NRG1: variants seen among roughly 807,000 people sequenced by gnomAD.
NRG1 encodes the protein pro-neuregulin-1, membrane-bound isoform.
NRG1 carries 18 observed loss-of-function variants against 63.8 expected under a neutral mutation model. The ratio of observed to expected loss-of-function variants is 0.28; its 90% CI spans 0.19 to 0.42. The LOEUF is 0.42. NRG1 is among the 10% of genes least tolerant of loss of function. The pLI is 1.00. For synonymous variants in NRG1, 302 were observed against 301.3 expected (o/e 1.00, Z -0.02); for missense variants, 762 against 814.7 (o/e 0.94, Z 0.79).
At chr8:32,648,135 T>G in intron 5 of NRG1, 1 of 1,614,184 alleles carries the variant, frequency 6.2e-7, no homozygotes, top group Non-Finnish European at 8.5e-7. Context: ...GTCTGAGGCA[T>G]ACACTTCACC....
chr8:32,607,514 A>G (rs2129539940), intron 3 of NRG1, among the ~76,000 whole-genome samples: 1 of 152,260 alleles, frequency 6.6e-6, no homozygotes, highest in South Asian at 2.1e-4. Context: ...ATGGTTTCTG[A>G]TTTACAGGAT....
At chr8:32,386,904 C>G (rs926782268) in intron 1 of NRG1, among the ~76,000 whole-genome samples, 5 of 152,066 alleles carry the variant, frequency 3.3e-5, no homozygotes, top group Non-Finnish European at 5.9e-5. Context: ...CAGAGCAAAT[C>G]AAGACATAGC....
intron 1 of NRG1, among the ~76,000 whole-genome samples, chr8:32,428,461 C>T (rs1817698265): frequency 6.6e-6 from 1 of 151,932 alleles, no homozygotes; most frequent in African/African-American, 2.4e-5. Context: ...TGTTGTCTGC[C>T]TTCGTTAGCA....
chr8:32,117,031 A>G (rs1442695020), intron 1 of NRG1, among the ~76,000 whole-genome samples: 2 of 150,978 alleles, frequency 1.3e-5, no homozygotes, highest in African/African-American at 4.9e-5. Flanking sequence ...AGTCCTAGCT[A>G]CTCAGGAGGC....
intron 1 of NRG1, among the ~76,000 whole-genome samples, chr8:31,741,397 A>G (rs556294459): frequency 1.3e-5 from 2 of 152,072 alleles, no homozygotes; most frequent in African/African-American, 4.8e-5. Context: ...TAGATAAATA[A>G]ATGCATTAAC....
chr8:32,659,370 A>G (rs1305719236), intron 5 of NRG1, among the ~76,000 whole-genome samples: 1 of 151,302 alleles, frequency 6.6e-6, no homozygotes, highest in Non-Finnish European at 1.5e-5. Context: ...CTGGCCTTGA[A>G]CTCCTGATCT....
intron 1 of NRG1, among the ~76,000 whole-genome samples, chr8:32,079,260 C>G (rs1367156392): frequency 6.6e-6 from 1 of 151,678 alleles, no homozygotes; most frequent in Non-Finnish European, 1.5e-5. Context: ...GTGGTTAGTA[C>G]TACATTTTTT....
intron 1 of NRG1, among the ~76,000 whole-genome samples, chr8:32,017,390 C>T (rs1815714955): frequency 6.6e-6 from 1 of 152,178 alleles, no homozygotes; most frequent in African/African-American, 2.4e-5. Flanking sequence ...TGTGTAGCAG[C>T]TTCTCCACAC....
chr8:32,293,002 G>A lies in NRG1; in HGVS notation c.38-302826G>A, dbSNP rs549902414. Among the ~76,000 whole-genome samples the A allele has an allele frequency of 1.7e-3, 255 of 152,302 alleles. 1 individual carries two copies. Among genetic ancestry groups the A allele is most frequent in the Non-Finnish European group, 1.3e-3 (87 of 68,038 alleles). On this transcript the variant is annotated intron_variant, in intron 1 of 10. Coordinates refer to the NRG1 transcript ENST00000519301. ...GCCTTTAATCCCAGCTACTCAGGAG[G>A]CTGAGGCAGGAGAATCGCTTGAACC... is the stretch of plus-strand genomic sequence containing the variant.
chr8:32,249,736 C>T (rs540301106), intron 1 of NRG1, among the ~76,000 whole-genome samples: 2 of 152,102 alleles, frequency 1.3e-5, no homozygotes, highest in South Asian at 2.1e-4. Context: ...CCCAAATAAG[C>T]CTTATTACCT....
At chr8:32,240,614 A>C (rs1446153259) in intron 1 of NRG1, among the ~76,000 whole-genome samples, 2 of 152,096 alleles carry the variant, frequency 1.3e-5, no homozygotes, top group African/African-American at 4.8e-5. Flanking sequence ...GTAAATGTCA[A>C]ATCTTTGGTT....
chr8:32,492,871 G>A (rs756093468), intron 1 of NRG1, among the ~76,000 whole-genome samples: 1 of 152,096 alleles, frequency 6.6e-6, no homozygotes, highest in Non-Finnish European at 1.5e-5. Flanking sequence ...GGGGAGGGGA[G>A]GCTGGGGGGT....
intron 1 of NRG1, among the ~76,000 whole-genome samples, chr8:31,959,388 G>C (rs561264505): frequency 6.6e-6 from 1 of 152,090 alleles, no homozygotes; most frequent in Admixed American, 6.6e-5. Flanking sequence ...CCAGTGCCAG[G>C]CTCTGTAGAA....
chr8:32,348,591 T>G (rs1805201292), intron 1 of NRG1, among the ~76,000 whole-genome samples: 1 of 152,288 alleles, frequency 6.6e-6, no homozygotes, highest in African/African-American at 2.4e-5. Context: ...AGAAAAATCC[T>G]TTATAGCCAC....
chr8:31,995,836 C>G (rs1016198191), intron 1 of NRG1, among the ~76,000 whole-genome samples: 1 of 151,974 alleles, frequency 6.6e-6, no homozygotes, highest in Non-Finnish European at 1.5e-5. Flanking sequence ...TTCACCCTGT[C>G]TTTTCATTTT....
intron 1 of NRG1, among the ~76,000 whole-genome samples, chr8:31,985,100 CAGAG>C (rs1166194409): frequency 6.6e-6 from 1 of 151,924 alleles, no homozygotes; most frequent in African/African-American, 2.4e-5. Flanking sequence ...ATTCCTGTGT[CAGAG>C]AGTGTTTATA....
At chr8:31,931,140 A>G (rs773726339) in intron 1 of NRG1, among the ~76,000 whole-genome samples, 1 of 152,160 alleles carries the variant, frequency 6.6e-6, no homozygotes, top group Non-Finnish European at 1.5e-5. Flanking sequence ...CTCCTCTGAT[A>G]GGGTGATGGG....
At chr8:32,645,561 A>G (rs1362164213) in intron 5 of NRG1, among the ~76,000 whole-genome samples, 1 of 152,346 alleles carries the variant, frequency 6.6e-6, no homozygotes, top group East Asian at 1.9e-4. Flanking sequence ...AAGCTGAAAC[A>G]TACCTCAAAG....
intron 1 of NRG1, among the ~76,000 whole-genome samples, chr8:32,526,437 A>T (rs943357902): frequency 1.3e-5 from 2 of 152,176 alleles, no homozygotes; most frequent in African/African-American, 2.4e-5. Context: ...ATGACATCTC[A>T]TCATGTTTGC....
Sources: allele counts gnomAD v4.1 joint callset (sites outside exome capture counted in the v4.1 genomes callset), GRCh38; gene constraint gnomAD v4.1.1; transcripts MANE v1.5; gene names NCBI Gene and HGNC (gene_info 2026-07-23, HGNC 2026-07-21).